The following CLVS1 variants were observed in gnomAD, a reference collection of about 807,000 sequenced individuals.
CLVS1 encodes clavesin 1.
A neutral mutation model predicts 33.1 loss-of-function variants in CLVS1; 10 were observed. The observed-to-expected ratio is 0.30, with a 90% CI of 0.19 to 0.51. The LOEUF (loss-of-function observed/expected upper bound fraction) is 0.51, where lower values mean the gene tolerates loss of function less well. Among genes scored for constraint, CLVS1 ranks in the 20% least tolerant of loss-of-function variants. The pLI is 0.97. For synonymous variants in CLVS1, 163 were observed against 166.1 expected (o/e 0.98, Z 0.14); for missense variants, 343 against 433.4 (o/e 0.79, Z 1.85).
At chr8:61,321,237 GT>G (rs1226408958) in intron 2 of CLVS1, among the ~76,000 whole-genome samples, 3 of 152,032 alleles carry the variant, frequency 2.0e-5, no homozygotes, top group African/African-American at 7.2e-5. Flanking sequence ...TGCTTGTGTT[GT>G]TTTCCCATGT....
At chr8:61,271,964 C>G (rs576357589) in intron 2 of CLVS1, among the ~76,000 whole-genome samples, 1 of 151,858 alleles carries the variant, frequency 6.6e-6, no homozygotes, top group Non-Finnish European at 1.5e-5. Flanking sequence ...CTGTCTGTGT[C>G]TTTTAATTGG....
chr8:61,430,230 A>T (rs1816059695), intron 3 of CLVS1, among the ~76,000 whole-genome samples: 1 of 152,230 alleles, frequency 6.6e-6, no homozygotes, highest in African/African-American at 2.4e-5. Context: ...AGACACCTTT[A>T]TGAATCATAG....
At chr8:61,189,032 C>T (rs1449380610) in intron 2 of CLVS1, among the ~76,000 whole-genome samples, 1 of 151,716 alleles carries the variant, frequency 6.6e-6, no homozygotes, top group Non-Finnish European at 1.5e-5. Context: ...GACAAAGAAA[C>T]ATACTCCTCG....
intron 2 of CLVS1, among the ~76,000 whole-genome samples, chr8:61,183,381 A>G (rs984119096): frequency 6.6e-6 from 1 of 152,256 alleles, no homozygotes; most frequent in African/African-American, 2.4e-5. Flanking sequence ...CTGTAAGTAT[A>G]TCCTCTGAAT....
the CLVS1 span, among the ~76,000 whole-genome samples, chr8:61,017,665 G>C: frequency 6.6e-6 from 1 of 152,216 alleles, no homozygotes; most frequent in Non-Finnish European, 1.5e-5. Context: ...GGACAAAGAG[G>C]CCAGCTGAAA....
At chr8:61,153,036 C>A (rs1806572884) in intron 2 of CLVS1, among the ~76,000 whole-genome samples, 1 of 152,074 alleles carries the variant, frequency 6.6e-6, no homozygotes, top group Non-Finnish European at 1.5e-5. Flanking sequence ...GGCATGGTGG[C>A]ACAAACCTGT....
intron 3 of CLVS1, among the ~76,000 whole-genome samples, chr8:61,388,001 A>G (rs1276234451): frequency 6.6e-6 from 1 of 151,962 alleles, no homozygotes; most frequent in Non-Finnish European, 1.5e-5. Flanking sequence ...GAGGAGGGGG[A>G]TTGCTGGATT....
At chr8:61,292,574 T>C (rs1400306522) in intron 1 of CLVS1, 3 of 329,770 alleles carry the variant, frequency 9.1e-6, no homozygotes, top group Non-Finnish European at 1.8e-5. Context: ...TGTTTGTTTG[T>C]TTTCCTTTCT....
chr8:61,290,787 T>C (rs1809959826), intron 1 of CLVS1, among the ~76,000 whole-genome samples: 1 of 152,236 alleles, frequency 6.6e-6, no homozygotes, highest in African/African-American at 2.4e-5. Context: ...AGCTTGACTA[T>C]ATGCAATCAG....
intron 2 of CLVS1, among the ~76,000 whole-genome samples, chr8:61,268,781 T>C (rs2129592579): frequency 9.4e-6 from 1 of 105,888 alleles, no homozygotes; most frequent in African/African-American, 3.6e-5. Flanking sequence ...TGATGAGCAT[T>C]TTTTCATGTG....
At chr8:61,341,922 G>A (rs149432070) in intron 2 of CLVS1, among the ~76,000 whole-genome samples, 24 of 152,178 alleles carry the variant, frequency 1.6e-4, no homozygotes, top group Non-Finnish European at 2.8e-4. Context: ...GGCTTTTAGT[G>A]CTGTGCATTT....
At chr8:61,485,353 A>G (rs1284523536) in intron 5 of CLVS1, among the ~76,000 whole-genome samples, 2 of 152,244 alleles carry the variant, frequency 1.3e-5, no homozygotes, top group Non-Finnish European at 2.9e-5. Context: ...AATGCTCATC[A>G]TCACTGGCCA....
intron 3 of CLVS1, among the ~76,000 whole-genome samples, chr8:61,452,824 G>A (rs1448289093): frequency 1.3e-5 from 2 of 152,140 alleles, no homozygotes; most frequent in Non-Finnish European, 2.9e-5. Context: ...TCTAGGTAGA[G>A]GAAAAAATTA....
intron 2 of CLVS1, among the ~76,000 whole-genome samples, chr8:61,258,305 G>A (rs1264135372): frequency 1.3e-5 from 2 of 152,138 alleles, no homozygotes; most frequent in South Asian, 2.1e-4. Flanking sequence ...CAGCAAGAAA[G>A]CAACCTGTCT....
chr8:61,120,914 C>A (rs1249893548), intron 1 of CLVS1, among the ~76,000 whole-genome samples: 1 of 148,314 alleles, frequency 6.7e-6, no homozygotes, highest in Non-Finnish European at 1.5e-5. Context: ...TTTCCAGCTT[C>A]CTGGCTGCTT....
rs1316728178 is a variant in CLVS1 at position 61,092,900 on chromosome 8, C to A, written c.-243+35670C>A. ...TTATTCTGCTTCCCAAGTGGTATCA[C>A]TGGGATTGGAAACTGGGCCACGGCA... is the stretch of plus-strand genomic sequence containing the variant. On this transcript the variant is annotated intron_variant, in intron 1 of 2. Coordinates refer to the CLVS1 transcript ENST00000522621. Among the ~76,000 whole-genome samples the A allele has an allele frequency of 2.6e-5, 4 of 152,094 alleles. No homozygotes were observed. The East Asian group carries it at 7.7e-4, about 29-fold the overall frequency.
At chr8:61,180,643 G>A (rs1200381069) in intron 2 of CLVS1, among the ~76,000 whole-genome samples, 1 of 152,202 alleles carries the variant, frequency 6.6e-6, no homozygotes, top group African/African-American at 2.4e-5. Context: ...TATTCACCAT[G>A]ATCAAGATGG....
chr8:61,131,898 A>G (rs1237600472), intron 2 of CLVS1: 3 of 152,254 alleles, frequency 2.0e-5, no homozygotes, highest in Non-Finnish European at 2.9e-5. Flanking sequence ...AAAACTGCAT[A>G]AACTTCAGTG....
In CLVS1 at chr8:61,467,606, C is replaced by CA. The variant is rs1177212450; in HGVS notation, c.977+9067dup. ...ATTATAGGAAGGGGCAGTGGTTTCC[C>CA]AAAGAAGAGGTACGGACCATATCGA... On this transcript the variant is annotated intron_variant, in intron 5 of 5. Transcript: ENST00000325897. 7.2e-5 allele frequency among the ~76,000 whole-genome samples: 11 copies of CA among 152,130 alleles called. No homozygotes were observed. The East Asian group carries it at 2.1e-3, about 29-fold the overall frequency.
Sources: gnomAD v4.1 joint callset for allele counts (sites outside exome capture counted in the v4.1 genomes callset) on GRCh38, gnomAD v4.1.1 for gene constraint, MANE v1.5 for transcripts, NCBI Gene and HGNC (gene_info 2026-07-23, HGNC 2026-07-21) for gene names.